LARGE1: variants seen among roughly 807,000 people sequenced by gnomAD.
LARGE1 encodes LARGE xylosyl- and glucuronyltransferase 1, also known as xylosyl- and glucuronyltransferase LARGE1.
A neutral mutation model predicts 87.6 loss-of-function variants in LARGE1; 43 were observed. The observed-to-expected ratio is 0.49, with a 90% CI of 0.38 to 0.63. The LOEUF (loss-of-function observed/expected upper bound fraction) is 0.63. LARGE1 is among the 30% of genes least tolerant of loss of function. LARGE1 has a pLI of 0.00. For synonymous variants in LARGE1, 434 were observed against 394.6 expected, an observed-to-expected ratio of 1.10 and a Z score of -1.18; for missense variants, 802 against 1,000.2, an observed-to-expected ratio of 0.80 and a Z score of 2.67.
chr22:33,405,638 T>C (rs1359124533), intron 7 of LARGE1, among the ~76,000 whole-genome samples: 1 of 152,212 alleles, frequency 6.6e-6, no homozygotes, highest in Non-Finnish European at 1.5e-5. Context: ...TACGGAATGC[T>C]CCATGTTCCA....
intron 6 of LARGE1, among the ~76,000 whole-genome samples, chr22:33,528,393 G>A (rs889564962): frequency 6.6e-6 from 1 of 152,164 alleles, no homozygotes; most frequent in African/African-American, 2.4e-5. Flanking sequence ...TATTCAATAA[G>A]CTATAGGAGG....
At chr22:33,919,391 G>C (rs916703010) in intron 1 of LARGE1, among the ~76,000 whole-genome samples, 2 of 152,214 alleles carry the variant, frequency 1.3e-5, no homozygotes, top group South Asian at 2.1e-4. Flanking sequence ...ACATTTACAA[G>C]AATGTCTGGA....
At chr22:33,776,058 G>A (rs2085226506) in intron 1 of LARGE1, among the ~76,000 whole-genome samples, 1 of 152,112 alleles carries the variant, frequency 6.6e-6, no homozygotes, top group African/African-American at 2.4e-5. Context: ...TCACTGAAAG[G>A]TTCCAAGGAT....
chr22:33,869,502 T>C (rs2064211261), intron 1 of LARGE1, among the ~76,000 whole-genome samples: 1 of 152,050 alleles, frequency 6.6e-6, no homozygotes, highest in South Asian at 2.1e-4. Context: ...CCCACCTCCA[T>C]GGGAAGGAAA....
At chr22:33,079,822 AGAAG>A in the LARGE1 span, among the ~76,000 whole-genome samples, 20 of 152,166 alleles carry the variant, frequency 1.3e-4, no homozygotes, top group African/African-American at 4.6e-4. Flanking sequence ...CAAGAAAAGA[AGAAG>A]GAAGGAAAAG....
intron 6 of LARGE1, among the ~76,000 whole-genome samples, chr22:33,453,115 A>G (rs998660291): frequency 1.3e-5 from 2 of 152,146 alleles, no homozygotes; most frequent in Non-Finnish European, 2.9e-5. Flanking sequence ...AAGCTAAGAC[A>G]TTGAAAGGTT....
At chr22:33,181,886 A>T (rs1441032875) in intron 11 of LARGE1, among the ~76,000 whole-genome samples, 3 of 135,436 alleles carry the variant, frequency 2.2e-5, no homozygotes, top group African/African-American at 8.8e-5. Flanking sequence ...GCTGTAATGC[A>T]GTGGCACGAT....
At chr22:33,567,840 T>G (rs2148802146) in intron 5 of LARGE1, among the ~76,000 whole-genome samples, 1 of 152,274 alleles carries the variant, frequency 6.6e-6, no homozygotes, top group South Asian at 2.1e-4. Context: ...TTAGCTTCCA[T>G]CTGTAAGTGA....
chr22:33,759,668 T>C (rs1296718741), intron 2 of LARGE1, among the ~76,000 whole-genome samples: 1 of 152,178 alleles, frequency 6.6e-6, no homozygotes, highest in Non-Finnish European at 1.5e-5. Flanking sequence ...ATTATTATTA[T>C]TACCAGCTTA....
Position 33,648,258 on chromosome 22 carries a change from GA to G in LARGE1, c.408+2108del, listed in dbSNP as rs370453041. Among the ~76,000 whole-genome samples the G allele has an allele frequency of 2.5e-3, 374 of 152,344 alleles. 1 individual carries two copies. Among genetic ancestry groups the G allele is most frequent in the African/African-American group, 8.2e-3 (340 of 41,582 alleles). On this transcript the variant is annotated intron_variant, in intron 3 of 14. Coordinates refer to ENST00000397394, the MANE Select transcript of LARGE1 (RefSeq NM_133642.5). ...AATTACAATGAGTTATTTCTCAGAAGACTGAGCAGGGGAGTGAAACTCTTGG... is the reference window on the plus strand; with the variant it reads ...AATTACAATGAGTTATTTCTCAGAAGCTGAGCAGGGGAGTGAAACTCTTGG...
intron 7 of LARGE1, among the ~76,000 whole-genome samples, chr22:33,422,068 A>G (rs2066713396): frequency 1.3e-5 from 2 of 152,188 alleles, no homozygotes; most frequent in South Asian, 4.1e-4. Flanking sequence ...ATTGCTGCCA[A>G]CCCCAGGAAG....
chr22:33,180,460 G>C (rs1039537307), intron 11 of LARGE1, among the ~76,000 whole-genome samples: 1 of 152,186 alleles, frequency 6.6e-6, no homozygotes, highest in Non-Finnish European at 1.5e-5. Context: ...CCTCAAACCT[G>C]CTAGTGGGAA....
At chr22:33,120,521 T>G in the LARGE1 span, among the ~76,000 whole-genome samples, 1 of 150,892 alleles carries the variant, frequency 6.6e-6, no homozygotes, top group Non-Finnish European at 1.5e-5. Context: ...TTCTTTGAGA[T>G]GGAGTCTCAT....
intron 1 of LARGE1, among the ~76,000 whole-genome samples, chr22:33,881,019 C>T (rs1181153433): frequency 6.6e-6 from 1 of 152,058 alleles, no homozygotes; most frequent in Non-Finnish European, 1.5e-5. Context: ...TGTCCTCCTC[C>T]AAACTGTCCT....
chr22:33,102,550 CACGATCTCAGCTT>C, the LARGE1 span, among the ~76,000 whole-genome samples: 1 of 148,874 alleles, frequency 6.7e-6, no homozygotes, highest in Non-Finnish European at 1.5e-5. Context: ...AGTGCAGTGG[CACGATCTCAGCTT>C]ACCCCAACCT....
intron 1 of LARGE1, among the ~76,000 whole-genome samples, chr22:33,856,120 C>T (rs1253418516): frequency 6.6e-6 from 1 of 152,134 alleles, no homozygotes; most frequent in African/African-American, 2.4e-5. Context: ...GTTTAGGGGA[C>T]AGCAGAAGAG....
At chr22:33,556,544 G>A (rs183903682) in intron 6 of LARGE1, among the ~76,000 whole-genome samples, 69 of 72,560 alleles carry the variant, frequency 9.5e-4, no homozygotes, top group Non-Finnish European at 1.2e-3. Context: ...GGGAAGGAGG[G>A]AGGGAGGGAG....
At chr22:33,255,175 T>A (rs1324485436) in intron 11 of LARGE1, among the ~76,000 whole-genome samples, 3 of 152,162 alleles carry the variant, frequency 2.0e-5, no homozygotes, top group African/African-American at 7.2e-5. Context: ...TGACCTCAAG[T>A]GATCCGCCTG....
chr22:33,141,527 AC>A, the LARGE1 span, among the ~76,000 whole-genome samples: 1 of 152,020 alleles, frequency 6.6e-6, no homozygotes. Flanking sequence ...CGTATAAAAT[AC>A]ATATAATTTA....
Sources: allele counts gnomAD v4.1 joint callset (sites outside exome capture counted in the v4.1 genomes callset), GRCh38; gene constraint gnomAD v4.1.1; transcripts MANE v1.5; gene names NCBI Gene and HGNC (gene_info 2026-07-23, HGNC 2026-07-21).